The following ADGRB3 variants were observed in gnomAD, a reference collection of about 807,000 sequenced individuals.
ADGRB3 encodes the protein adhesion G protein-coupled receptor B3.
In ADGRB3, 37 loss-of-function variants were observed where a neutral mutation model predicts 193.4. The observed-to-expected ratio is 0.19, with a 90% CI of 0.15 to 0.25. The LOEUF (loss-of-function observed/expected upper bound fraction) is 0.25. ADGRB3 is among the 10% of genes least tolerant of loss of function. The pLI, the probability that ADGRB3 is intolerant of heterozygous loss-of-function variation, is 1.00. For synonymous variants in ADGRB3, 690 were observed against 644.2 expected (o/e 1.07, Z -1.08); for missense variants, 1,637 against 1,852.9 (o/e 0.88, Z 2.14).
In ADGRB3 at chr6:68,946,127, A is replaced by T. The variant is rs1767769836; in HGVS notation, c.1195+2133A>T. On this transcript the variant is annotated intron_variant, in intron 6 of 31. Coordinates refer to ENST00000370598, the MANE Select transcript of ADGRB3 (RefSeq NM_001704.3). ...CTTGAATTTAGTTGCATCATAAAAG[A>T]TGTAGAATTCTTATCACATTGTATC... Among the ~76,000 whole-genome samples, 3 of 152,132 alleles carry T rather than the reference A, an allele frequency of 2.0e-5. No individual in the cohort carries two copies. The East Asian group carries it at 5.8e-4, about 29-fold the overall frequency.
intron 3 of ADGRB3, among the ~76,000 whole-genome samples, chr6:68,640,613 C>T (rs974493869): frequency 6.6e-6 from 1 of 152,210 alleles, no homozygotes; most frequent in Non-Finnish European, 1.5e-5. Flanking sequence ...AAACTCCAGT[C>T]GCCAAGCTCC....
intron 17 of ADGRB3, 158 bp from the exon 18 acceptor site, chr6:69,233,132 C>T (rs758468851): frequency 6.1e-5 from 62 of 1,017,316 alleles, no homozygotes; most frequent in Non-Finnish European, 2.7e-5. Flanking sequence ...ACTGGAGATG[C>T]ATCTAAATTA....
chr6:69,073,609 C>G (rs1379058738), intron 16 of ADGRB3, among the ~76,000 whole-genome samples: 2 of 152,146 alleles, frequency 1.3e-5, no homozygotes, highest in Non-Finnish European at 2.9e-5. Context: ...AGGGGCCAGG[C>G]TCCTCCCCTG....
intron 20 of ADGRB3, among the ~76,000 whole-genome samples, chr6:69,287,000 T>G (rs1309338536): frequency 6.6e-6 from 1 of 152,206 alleles, no homozygotes; most frequent in African/African-American, 2.4e-5. Context: ...CTTTGTCCAC[T>G]GAACCATTTC....
Position 68,993,969 on chromosome 6 carries a change from G to C in ADGRB3, c.1929+7G>C. The C allele has an allele frequency of 6.2e-7, 1 of 1,610,942 alleles. No individual in the cohort carries two copies. Among genetic ancestry groups the C allele is most frequent in the Non-Finnish European group, 8.5e-7 (1 of 1,177,670 alleles). On this transcript the variant is annotated splice_region_variant and intron_variant, in intron 11 of 31. Coordinates refer to ENST00000370598, the MANE Select transcript of ADGRB3 (RefSeq NM_001704.3). ...TGCATCTGATGGTGTCCAGGTAAGG[G>C]AGACAAGTTCGTGAAGGAAAGGGCT...
chr6:68,994,623 G>A (rs1336639), intron 11 of ADGRB3, among the ~76,000 whole-genome samples: 182 of 152,226 alleles, frequency 1.2e-3, no homozygotes, highest in Non-Finnish European at 2.3e-3. Flanking sequence ...GGCAAACAAA[G>A]CATATTTAAT....
intron 3 of ADGRB3, among the ~76,000 whole-genome samples, chr6:68,776,216 T>G (rs536495202): frequency 6.6e-6 from 1 of 152,282 alleles, no homozygotes; most frequent in East Asian, 1.9e-4. Context: ...GGTAAGGGAC[T>G]GAGAATTGCC....
intron 24 of ADGRB3, among the ~76,000 whole-genome samples, chr6:69,337,804 A>C (rs16900653): frequency 0.035 from 5,299 of 152,238 alleles, 300 homozygotes; most frequent in African/African-American, 0.12. Flanking sequence ...ATTTAAAATA[A>C]ACCAGAGTTC....
chr6:68,817,305 ATG>A (rs1197385256), intron 3 of ADGRB3, among the ~76,000 whole-genome samples: 563 of 43,414 alleles, frequency 0.013, 41 homozygotes, highest in Non-Finnish European at 0.017. Flanking sequence ...CCTTTTGTCC[ATG>A]TATATATATA....
At chr6:69,179,571 A>T (rs1396881268) in intron 17 of ADGRB3, among the ~76,000 whole-genome samples, 1 of 152,200 alleles carries the variant, frequency 6.6e-6, no homozygotes, top group African/African-American at 2.4e-5. Context: ...TGGTGCCAGA[A>T]TTCTTGAACT....
rs929805961 is a variant in ADGRB3, at chr6:69,256,816, T to C, written c.2814+17590T>C. 1.5e-3 allele frequency among the ~76,000 whole-genome samples: 229 copies of C among 152,342 alleles called. 1 individual carries two copies. The highest frequency in any genetic ancestry group is 5.1e-3 in the African/African-American group (214 of 41,582). ...AGGGAATGCTTCCAGTTTTTGCCCA[T>C]TCTGTATGATATTGGCTGTGGGTTT... On this transcript the variant is annotated intron_variant, in intron 20 of 31. Coordinates refer to ENST00000370598, the MANE Select transcript of ADGRB3 (RefSeq NM_001704.3).
chr6:69,351,108 T>TC (rs1233294858), intron 26 of ADGRB3, among the ~76,000 whole-genome samples: 5 of 151,888 alleles, frequency 3.3e-5, no homozygotes, highest in African/African-American at 1.2e-4. Flanking sequence ...TTTTTTTTTT[T>TC]TTGAGACATA....
chr6:69,280,746 G>A (rs760364526), intron 20 of ADGRB3, among the ~76,000 whole-genome samples: 1 of 152,030 alleles, frequency 6.6e-6, no homozygotes, highest in Non-Finnish European at 1.5e-5. Context: ...CACACAATAT[G>A]TAACCCAGTT....
At chr6:69,009,003 G>T (rs1556756) in intron 11 of ADGRB3, among the ~76,000 whole-genome samples, 1 of 151,332 alleles carries the variant, frequency 6.6e-6, no homozygotes, top group Admixed American at 6.6e-5. Flanking sequence ...AGGAAATTAG[G>T]TATAAACTAT....
chr6:68,980,661 G>A (rs1451455874), intron 10 of ADGRB3, among the ~76,000 whole-genome samples: 3 of 151,512 alleles, frequency 2.0e-5, no homozygotes, highest in Non-Finnish European at 4.4e-5. Context: ...TCTTCAATGA[G>A]CAATTAAGAA....
At chr6:68,883,733 T>C (rs1056210345) in intron 3 of ADGRB3, among the ~76,000 whole-genome samples, 1 of 152,018 alleles carries the variant, frequency 6.6e-6, no homozygotes, top group Non-Finnish European at 1.5e-5. Flanking sequence ...TGTTTGAACA[T>C]GAGAAGGAAC....
intron 30 of ADGRB3, among the ~76,000 whole-genome samples, chr6:69,372,861 A>T (rs1769734724): frequency 6.6e-6 from 1 of 151,948 alleles, no homozygotes; most frequent in South Asian, 2.1e-4. Context: ...TTTCTCTGAA[A>T]ATTACTTGTT....
intron 17 of ADGRB3, among the ~76,000 whole-genome samples, chr6:69,128,290 T>C (rs1441600554): frequency 6.6e-6 from 1 of 152,162 alleles, no homozygotes; most frequent in Non-Finnish European, 1.5e-5. Flanking sequence ...GCCACATCAA[T>C]TTTACTTAAA....
chr6:69,106,261 T>A (rs1773213131), intron 17 of ADGRB3, among the ~76,000 whole-genome samples: 1 of 149,210 alleles, frequency 6.7e-6, no homozygotes, highest in South Asian at 2.1e-4. Flanking sequence ...TTATGTTATA[T>A]TTTTATGTTA....
Sources: allele counts gnomAD v4.1 joint callset (sites outside exome capture counted in the v4.1 genomes callset), GRCh38; gene constraint gnomAD v4.1.1; transcripts MANE v1.5; gene names NCBI Gene and HGNC (gene_info 2026-07-23, HGNC 2026-07-21).